The following WWOX variants were observed in gnomAD, a reference collection of about 807,000 sequenced individuals.
WWOX encodes the protein WW domain containing oxidoreductase.
In WWOX, 69 loss-of-function variants were observed where a neutral mutation model predicts 46.2. That is an observed-to-expected ratio of 1.49 (90% CI 1.23 to 1.82). The LOEUF (loss-of-function observed/expected upper bound fraction) is 1.82. Ranked by LOEUF, WWOX falls within the 40% of genes most tolerant of loss-of-function variation. WWOX has a pLI of 0.00. For missense variants in WWOX, 919 were observed against 542.6 expected (o/e 1.69, Z -6.89); for synonymous variants, 359 against 202.6 (o/e 1.77, Z -6.56).
intron 8 of WWOX, among the ~76,000 whole-genome samples, chr16:78,544,033 G>A (rs1040447301): frequency 6.6e-6 from 1 of 152,064 alleles, no homozygotes; most frequent in Non-Finnish European, 1.5e-5. Flanking sequence ...TCTAGTAGTA[G>A]GGCTTAGAGG....
chr16:78,263,152 A>C (rs549518628), intron 5 of WWOX, among the ~76,000 whole-genome samples: 3 of 152,304 alleles, frequency 2.0e-5, no homozygotes, highest in Non-Finnish European at 2.9e-5. Flanking sequence ...AGGCAGGAGA[A>C]TCACTTGAAC....
At chr16:78,103,588 C>G (rs2031943758) in intron 1 of WWOX, among the ~76,000 whole-genome samples, 1 of 152,110 alleles carries the variant, frequency 6.6e-6, no homozygotes, top group Non-Finnish European at 1.5e-5. Context: ...TTGATCTCTC[C>G]TGATCTGTGA....
At chr16:78,724,399 T>G (rs113134276) in intron 8 of WWOX, among the ~76,000 whole-genome samples, 2,550 of 152,306 alleles carry the variant, frequency 0.017, 62 homozygotes, top group African/African-American at 0.058. Flanking sequence ...CATTCCTGCT[T>G]TTCCTTGTTC....
intron 8 of WWOX, among the ~76,000 whole-genome samples, chr16:79,002,292 C>G (rs1053079310): frequency 3.9e-5 from 5 of 128,184 alleles, no homozygotes; most frequent in Non-Finnish European, 6.3e-5. Flanking sequence ...GGCGTGATCT[C>G]AGCTCACTGC....
chr16:78,694,095 G>A (rs13333672), intron 8 of WWOX, among the ~76,000 whole-genome samples: 1 of 151,988 alleles, frequency 6.6e-6, no homozygotes, highest in Admixed American at 6.5e-5. Context: ...ACCTAGGCGT[G>A]GTAGTGTGTG....
chr16:78,474,609 A>T (rs2084312202), intron 8 of WWOX, among the ~76,000 whole-genome samples: 1 of 152,196 alleles, frequency 6.6e-6, no homozygotes, highest in African/African-American at 2.4e-5. Context: ...ATGCTATACA[A>T]TTCATGCATT....
At chr16:78,771,252 G>A (rs1303423514) in intron 8 of WWOX, among the ~76,000 whole-genome samples, 1 of 152,224 alleles carries the variant, frequency 6.6e-6, no homozygotes, top group Non-Finnish European at 1.5e-5. Context: ...TGAGTGGATT[G>A]GTAAGGGATA....
chr16:78,877,295 C>T (rs1298307686), intron 8 of WWOX, among the ~76,000 whole-genome samples: 3 of 150,276 alleles, frequency 2.0e-5, no homozygotes, highest in African/African-American at 7.4e-5. Context: ...CTCTGACCCG[C>T]CTGCCTCCCC....
chr16:79,034,525 C>G (rs541281995), intron 8 of WWOX, among the ~76,000 whole-genome samples: 2 of 152,316 alleles, frequency 1.3e-5, no homozygotes, highest in South Asian at 4.1e-4. Flanking sequence ...TGCCCCCTCA[C>G]CGAATGATCA....
intron 5 of WWOX, among the ~76,000 whole-genome samples, chr16:78,360,101 A>G (rs1419778672): frequency 6.6e-6 from 1 of 152,224 alleles, no homozygotes; most frequent in East Asian, 1.9e-4. Context: ...CAAAAGAAAA[A>G]CACATTAAAA....
intron 8 of WWOX, among the ~76,000 whole-genome samples, chr16:78,881,898 G>T (rs977265023): frequency 6.6e-6 from 1 of 152,064 alleles, no homozygotes; most frequent in Non-Finnish European, 1.5e-5. Flanking sequence ...CGAGGTAGGT[G>T]GATCACTTGA....
chr16:78,260,895 C>G (rs1048677139), intron 5 of WWOX, among the ~76,000 whole-genome samples: 12 of 145,950 alleles, frequency 8.2e-5, no homozygotes, highest in Non-Finnish European at 1.0e-4. Flanking sequence ...CGAGATCACA[C>G]CACTGCACTC....
At chr16:78,519,934 T>C (rs1276727640) in intron 8 of WWOX, among the ~76,000 whole-genome samples, 1 of 152,234 alleles carries the variant, frequency 6.6e-6, no homozygotes, top group African/African-American at 2.4e-5. Context: ...TGAGATTCTT[T>C]TTTCAGTAGT....
intron 5 of WWOX, among the ~76,000 whole-genome samples, chr16:78,340,838 C>T (rs1467704756): frequency 8.5e-6 from 1 of 118,194 alleles, no homozygotes; most frequent in African/African-American, 2.9e-5. Flanking sequence ...TTTACAAAGT[C>T]TGTGTTTTCA....
At chr16:78,765,787 A>C (rs2049912429) in intron 8 of WWOX, among the ~76,000 whole-genome samples, 1 of 152,152 alleles carries the variant, frequency 6.6e-6, no homozygotes, top group Non-Finnish European at 1.5e-5. Context: ...AAAAATCACA[A>C]CCTCTGTCAG....
At chr16:78,152,388 G>T (rs184509325) in intron 4 of WWOX, among the ~76,000 whole-genome samples, 1 of 151,700 alleles carries the variant, frequency 6.6e-6, no homozygotes, top group African/African-American at 2.4e-5. Context: ...CCACATATTT[G>T]CAAGTCTATT....
chr16:78,589,690 A>T (rs1254792296), intron 8 of WWOX, among the ~76,000 whole-genome samples: 1 of 152,198 alleles, frequency 6.6e-6, no homozygotes, highest in South Asian at 2.1e-4. Context: ...TGCATCTAAA[A>T]ATAAAGACTT....
intron 8 of WWOX, among the ~76,000 whole-genome samples, chr16:78,562,871 G>T (rs1051168044): frequency 6.6e-6 from 1 of 152,088 alleles, no homozygotes; most frequent in African/African-American, 2.4e-5. Context: ...GAGCGACGTC[G>T]GAGCTCCACG....
At chr16:78,748,448 T>C (rs184938348) in intron 8 of WWOX, among the ~76,000 whole-genome samples, 1 of 152,330 alleles carries the variant, frequency 6.6e-6, no homozygotes, top group East Asian at 1.9e-4. Context: ...TTAAATAAAA[T>C]AGAAGCTTAA....
Sources: gnomAD v4.1 joint callset for allele counts (sites outside exome capture counted in the v4.1 genomes callset) on GRCh38, gnomAD v4.1.1 for gene constraint, MANE v1.5 for transcripts, NCBI Gene and HGNC (gene_info 2026-07-23, HGNC 2026-07-21) for gene names.